Variants in ARMC2 observed in about 807,000 individuals in gnomAD.
The protein encoded by ARMC2 is armadillo repeat containing 2.
A neutral mutation model predicts 90.3 loss-of-function variants in ARMC2; 67 were observed. The observed-to-expected ratio is 0.74, with a 90% confidence interval of 0.61 to 0.91. ARMC2 has a LOEUF of 0.91. Ranked by LOEUF, ARMC2 falls within the 40% of genes least tolerant of loss-of-function variation. ARMC2 has a pLI of 0.00. For missense variants in ARMC2, 920 were observed against 1,030.9 expected, an observed-to-expected ratio of 0.89 and a Z score of 1.47; for synonymous variants, 393 against 393.0, an observed-to-expected ratio of 1.00 and a Z score of 0.00.
chr6:108,850,551 G>A (rs1226097384), intron 1 of ARMC2, among the ~76,000 whole-genome samples: 1 of 152,092 alleles, frequency 6.6e-6, no homozygotes, highest in Non-Finnish European at 1.5e-5. Flanking sequence ...TCTGTGCCAG[G>A]CAACTTGAAA....
At chr6:109,019,054 G>A in the ARMC2 span, among the ~76,000 whole-genome samples, 2 of 152,084 alleles carry the variant, frequency 1.3e-5, no homozygotes, top group African/African-American at 4.8e-5. Flanking sequence ...TAATTGATTT[G>A]ATAATGAATT....
chr6:108,917,322 C>T (rs1374874424), intron 10 of ARMC2, among the ~76,000 whole-genome samples: 4 of 152,110 alleles, frequency 2.6e-5, no homozygotes, highest in Non-Finnish European at 4.4e-5. Context: ...GATCCTCTCC[C>T]CCTTGCTCAG....
the ARMC2 span, chr6:108,988,449 G>A: frequency 8.8e-7 from 1 of 1,130,250 alleles, no homozygotes; most frequent in Non-Finnish European, 1.2e-6. Context: ...GTTGGTAGGG[G>A]TGATGGAAAG....
the ARMC2 span, chr6:108,994,323 T>G: frequency 1.7e-6 from 1 of 580,462 alleles, no homozygotes; most frequent in African/African-American, 1.9e-5. Context: ...AAAAATTATT[T>G]GTAAATAGGA....
At chr6:108,961,452 C>T (rs1777991891) in intron 13 of ARMC2, 120 bp from the exon 14 acceptor site, 2 of 1,143,308 alleles carry the variant, frequency 1.7e-6, no homozygotes, top group South Asian at 1.7e-5. Context: ...TCTCCAGGGC[C>T]TTTGTAGGGA....
chr6:108,956,706 A>G (rs1777609978), intron 13 of ARMC2, among the ~76,000 whole-genome samples: 1 of 150,830 alleles, frequency 6.6e-6, no homozygotes, highest in Non-Finnish European at 1.5e-5. Context: ...GTCTCCAAGA[A>G]AAAGTCCGGG....
the ARMC2 span, chr6:108,987,079 C>A: frequency 2.0e-5 from 3 of 153,360 alleles, no homozygotes; most frequent in Non-Finnish European, 4.4e-5. Context: ...GCAATGTTCA[C>A]TTTTATTACT....
intron 7 of ARMC2, among the ~76,000 whole-genome samples, chr6:108,902,789 A>G (rs997258665): frequency 6.6e-6 from 1 of 152,204 alleles, no homozygotes; most frequent in Non-Finnish European, 1.5e-5. Flanking sequence ...GAAGGAATCT[A>G]TCAGAGATAA....
intron 3 of ARMC2, among the ~76,000 whole-genome samples, chr6:108,862,359 C>CAA (rs796750309): frequency 4.4e-4 from 28 of 63,236 alleles, no homozygotes; most frequent in Non-Finnish European, 7.1e-4. Flanking sequence ...AAAAAAAAAA[C>CAA]AAAAAAAACA....
intron 5 of ARMC2, among the ~76,000 whole-genome samples, chr6:108,878,373 G>C (rs1351091068): frequency 6.6e-6 from 1 of 152,180 alleles, no homozygotes; most frequent in Admixed American, 6.5e-5. Context: ...TGTGTAAGTA[G>C]ACCGTGGAAA....
chr6:108,868,740 T>C, intron 3 of ARMC2, 84 bp from the exon 4 acceptor site: 7 of 1,324,868 alleles, frequency 5.3e-6, no homozygotes, highest in South Asian at 1.4e-5. Context: ...TGTGCTCTTC[T>C]GGAAGGGTTG....
At chr6:108,879,321 CA>C (rs1242749967) in intron 5 of ARMC2, among the ~76,000 whole-genome samples, 1 of 151,196 alleles carries the variant, frequency 6.6e-6, no homozygotes. Context: ...TCCACCCATC[CA>C]TATATCTACC....
At chr6:109,031,485 A>C in the ARMC2 span, among the ~76,000 whole-genome samples, 1 of 152,100 alleles carries the variant, frequency 6.6e-6, no homozygotes, top group Admixed American at 6.5e-5. Flanking sequence ...CCTCCCTCTG[A>C]GTTCAAGTCT....
In ARMC2 at chr6:108,859,032, A is replaced by G. The variant is rs149398790; in HGVS notation, c.291+761A>G. The stretch of plus-strand genomic sequence containing the variant: ...ATCTGTTTTCTCTGACTGTGATTAC[A>G]TAAACCCTGTTCATAGCTGAGACTT... On this transcript the variant is annotated intron_variant, in intron 3 of 17. Transcript: ENST00000392644. 2.0e-4 allele frequency among the ~76,000 whole-genome samples: 30 copies of G among 152,368 alleles called. No individual in the cohort carries two copies. The East Asian group carries it at 5.8e-3, about 29-fold the overall frequency.
chr6:108,953,314 C>T lies in ARMC2; in HGVS notation c.1878C>T (p.Ala626=), dbSNP rs971147873. 8 of 1,609,224 alleles carry T rather than the reference C, an allele frequency of 5.0e-6. No homozygotes were observed. The highest frequency in any genetic ancestry group is 3.3e-4 in the Middle Eastern group (2 of 6,050). Residue 626 remains alanine, a synonymous_variant, in exon 13 of 18, where the codon GCC becomes GCT. Transcript: ENST00000392644. ...IHPGVGPVLA[A]NPGIVGLLLT... ...CGGGCGTGGGCCCGGTGCTGGCCGCCAACCCGGGGATAGTGGGCCTGCTCC... is the reference window on the plus strand; with the variant it reads ...CGGGCGTGGGCCCGGTGCTGGCCGCTAACCCGGGGATAGTGGGCCTGCTCC...
At chr6:109,026,996 C>G in the ARMC2 span, among the ~76,000 whole-genome samples, 5 of 151,876 alleles carry the variant, frequency 3.3e-5, no homozygotes, top group East Asian at 3.9e-4. Flanking sequence ...ACAGTGAAAC[C>G]CTGTCTCTAC....
chr6:108,994,606 T>C, the ARMC2 span: 2 of 1,608,486 alleles, frequency 1.2e-6, no homozygotes, highest in Non-Finnish European at 1.7e-6. Context: ...AAAGAATCAC[T>C]TACCTGAAGA....
chr6:108,958,698 C>T (rs991656715), intron 13 of ARMC2, among the ~76,000 whole-genome samples: 2 of 152,248 alleles, frequency 1.3e-5, no homozygotes, highest in Non-Finnish European at 2.9e-5. Context: ...TTCACCTGAG[C>T]TGCTCCCCAT....
the ARMC2 span, among the ~76,000 whole-genome samples, chr6:108,997,077 A>T: frequency 0.098 from 14,938 of 152,160 alleles, 891 homozygotes; most frequent in Middle Eastern, 0.19. Context: ...GTATCTGAAG[A>T]GCTGAGTCAG....
Sources: allele counts gnomAD v4.1 joint callset (sites outside exome capture counted in the v4.1 genomes callset), GRCh38; gene constraint gnomAD v4.1.1; transcripts MANE v1.5; gene names NCBI Gene and HGNC (gene_info 2026-07-23, HGNC 2026-07-21).